Variants in TRIM25 observed in about 807,000 individuals in gnomAD.
TRIM25 encodes tripartite motif containing 25.
Under a neutral mutation model 65.2 loss-of-function variants are expected in TRIM25, and 45 were observed. That is an observed-to-expected ratio of 0.69 (90% CI 0.54 to 0.89). TRIM25 has a LOEUF of 0.89. Ranked by LOEUF, TRIM25 falls within the 40% of genes least tolerant of loss-of-function variation. TRIM25 has a pLI of 0.00. For synonymous variants in TRIM25, 321 were observed against 340.4 expected (o/e 0.94, Z 0.63); for missense variants, 714 against 803.7 (o/e 0.89, Z 1.35).
At chr17:56,902,158 T>C (rs1430323130) in intron 3 of TRIM25, among the ~76,000 whole-genome samples, 1 of 152,192 alleles carries the variant, frequency 6.6e-6, no homozygotes, top group Non-Finnish European at 1.5e-5. Flanking sequence ...CAGACAGGAA[T>C]GAACACTTGG....
Position 56,913,444 on chromosome 17 carries a change from T to A in TRIM25, c.545A>T (p.Glu182Val). ...GGACGCGGGAGAGCAGGTCTTATGC[T>A]CCACCAGGCAGATGTGGCAGATGCA... ...SECICHICLVEHKTCSPASLS... is the reference protein window; with the variant it reads ...SECICHICLVVHKTCSPASLS... The change falls in exon 1 of 9, where the codon GAG becomes GTG. Residue 182 changes from glutamate to valine, a missense_variant. Transcript: ENST00000316881. This position sits in a 1 kb window ranked among gnomAD's most constrained non-coding sequence, Gnocchi z 6.1. 1.2e-6 allele frequency: 2 copies of A among 1,606,358 alleles called. No homozygotes were observed. Among genetic ancestry groups the A allele is most frequent in the Non-Finnish European group, 8.5e-7 (1 of 1,175,040 alleles).
intron 1 of TRIM25, among the ~76,000 whole-genome samples, chr17:56,909,666 C>T (rs1909589549): frequency 8.6e-6 from 1 of 116,628 alleles, no homozygotes; most frequent in South Asian, 2.8e-4. Flanking sequence ...GCCTGGGTGA[C>T]AAAGTGAGAC....
Position 56,913,435 on chromosome 17 carries a change from G to A in TRIM25, c.554C>T (p.Thr185Ile). The part of the protein sequence containing the change: ...ICHICLVEHK[T>I]CSPASLSQAS... ...CTGGCTCAGGGACGCGGGAGAGCAGGTCTTATGCTCCACCAGGCAGATGTG... is the reference window on the plus strand; with the variant it reads ...CTGGCTCAGGGACGCGGGAGAGCAGATCTTATGCTCCACCAGGCAGATGTG... Residue 185 changes from threonine to isoleucine, a missense_variant, in exon 1 of 9, where the codon ACC becomes ATC. By Grantham distance (89) the Thr-to-Ile change is moderately conservative (BLOSUM62 -1). Transcript: ENST00000316881. The surrounding 1 kb of genome is among the most constrained non-coding windows in gnomAD (Gnocchi z 6.1). 1 of 1,603,248 alleles carries A rather than the reference G, an allele frequency of 6.2e-7. No homozygotes were observed. The highest frequency in any genetic ancestry group is 8.5e-7 in the Non-Finnish European group (1 of 1,173,230).
intron 1 of TRIM25, among the ~76,000 whole-genome samples, chr17:56,910,348 C>T (rs536442907): frequency 2.6e-5 from 4 of 152,272 alleles, no homozygotes; most frequent in African/African-American, 7.2e-5. Flanking sequence ...TAACTCAATC[C>T]GAAAAGCCCA....
Position 56,913,957 on chromosome 17 carries a change from A to G in TRIM25, c.32T>C (p.Leu11Pro). The change falls in exon 1 of 9, where the codon CTG becomes CCG. Residue 11 changes from leucine to proline, a missense_variant. Leu to Pro is a moderately conservative substitution (Grantham distance 98). This residue lies in a region of TRIM25 where 291 missense variants were observed against 281.8 expected (regional missense o/e 1.03). Coordinates refer to ENST00000316881, the MANE Select transcript of TRIM25 (RefSeq NM_005082.5). The surrounding 1 kb of genome is among the most constrained non-coding windows in gnomAD (Gnocchi z 6.1). MAELCPLAEE[L>P]SCSICLEPFK... ...GGGCTCCAGGCAGATGGAGCACGAC[A>G]GCTCCTCGGCCAGGGGGCACAGCTC... The G allele has an allele frequency of 6.3e-7, 1 of 1,580,954 alleles. No homozygotes were observed. The highest frequency in any genetic ancestry group is 1.1e-5 in the South Asian group (1 of 87,222).
Position 56,904,352 on chromosome 17 carries a change from A to C in TRIM25, c.830T>G (p.Ile277Ser), listed in dbSNP as rs1178870745. Reference protein sequence around the residue: ...EKRVNSKFDTIYQILLKKKSE... With the variant: ...EKRVNSKFDTSYQILLKKKSE... ...CTTCTTCTTGAGGAGAATCTGATAA[A>C]TGGTGTCAAACTTGCTGTTGACCCT... Residue 277 changes from isoleucine (I) to serine (S), a missense_variant, in exon 3 of 9, where the codon ATT becomes AGT. Around this residue, in one of 3 missense-constraint regions of TRIM25, gnomAD observed 413 missense variants for 498.2 expected, o/e 0.83. Coordinates refer to ENST00000316881, the MANE Select transcript of TRIM25 (RefSeq NM_005082.5). The C allele has an allele frequency of 2.5e-6, 4 of 1,613,904 alleles. No individual in the cohort carries two copies. The highest frequency in any genetic ancestry group is 3.4e-6 in the Non-Finnish European group (4 of 1,180,002).
At position 56,901,531 on chromosome 17, in the gene TRIM25, G is replaced by T. The variant is rs755954951; in HGVS notation, c.975C>A (p.Pro325=). ...TCAGCTTGTGGTTCAGTTCCACCTC[G>T]GGGATGTAGACTGGCTTTGTTGAGA... The part of the protein sequence containing the change: ...RGISTKPVYI[P]EVELNHKLIK... Residue 325 remains proline, a synonymous_variant, in exon 4 of 9, where the codon CCC becomes CCA. Transcript: ENST00000316881. 1 of 1,614,122 alleles carries T rather than the reference G, an allele frequency of 6.2e-7. No individual in the cohort carries two copies. The highest frequency in any genetic ancestry group is 2.2e-5 in the East Asian group (1 of 44,870).
chr17:56,898,530 A>G (rs1909345378), intron 5 of TRIM25, among the ~76,000 whole-genome samples: 1 of 152,224 alleles, frequency 6.6e-6, no homozygotes, highest in Non-Finnish European at 1.5e-5. Flanking sequence ...CTAGGAGGGC[A>G]AAAATGGATC....
intron 5 of TRIM25, chr17:56,898,895 G>A: frequency 1.8e-6 from 1 of 555,638 alleles, no homozygotes. Flanking sequence ...GCCAGCCTCA[G>A]GCATCTTGCT....
intron 3 of TRIM25, among the ~76,000 whole-genome samples, chr17:56,902,984 C>T (rs917690247): frequency 2.6e-5 from 4 of 152,322 alleles, no homozygotes; most frequent in South Asian, 4.1e-4. Context: ...CCCAGCTTCA[C>T]CTTCTGCCAT....
intron 1 of TRIM25, among the ~76,000 whole-genome samples, chr17:56,910,722 C>T (rs886781020): frequency 2.0e-5 from 3 of 152,178 alleles, no homozygotes; most frequent in Admixed American, 2.0e-4. Flanking sequence ...TTTTTGAAAT[C>T]CTGAGGATCC....
rs923340584 is a variant in TRIM25, at chr17:56,896,915, G to C, written c.1154-963C>G. On this transcript the variant is annotated intron_variant, in intron 5 of 8. Coordinates refer to ENST00000316881, the MANE Select transcript of TRIM25 (RefSeq NM_005082.5). ...AGGCCAGGAGTTCAAGATCAGCCTG[G>C]ACAACATATCAATATCCTGTCTCTA... Among the ~76,000 whole-genome samples, 4 of 150,876 alleles carry C rather than the reference G, an allele frequency of 2.7e-5. 1 individual carries two copies. The highest frequency in any genetic ancestry group is 1.3e-4 in the Admixed American group (2 of 15,100).
chr17:56,901,631 G>T (rs1350962055), intron 3 of TRIM25, 53 bp from the exon 4 acceptor site: 3 of 1,605,962 alleles, frequency 1.9e-6, no homozygotes, highest in Non-Finnish European at 2.6e-6. Context: ...CGGGGACCTG[G>T]GCTCAGTCCT....
At chr17:56,901,345 A>G in intron 4 of TRIM25, 74 bp downstream of exon 4, 1 of 1,505,414 alleles carries the variant, frequency 6.6e-7, no homozygotes, top group Non-Finnish European at 9.0e-7. Context: ...CCAATCTCCC[A>G]TCCCAAAACA....
At position 56,913,789 on chromosome 17, in the gene TRIM25, G is replaced by T. The variant is rs1909680302; in HGVS notation, c.200C>A (p.Thr67Lys). The T allele has an allele frequency of 3.2e-6, 5 of 1,559,408 alleles. No individual in the cohort carries two copies. The highest frequency in any genetic ancestry group is 4.3e-6 in the Non-Finnish European group (5 of 1,153,318). ...CTGCTCCACCACGTTGCACAGCACC[G>T]TGTTCTTGTGCAGCTGCGGTCGCGC... is the stretch of plus-strand genomic sequence containing the variant. Reference protein sequence around the residue: ...YQARPQLHKNTVLCNVVEQFL... With the variant: ...YQARPQLHKNKVLCNVVEQFL... The change falls in exon 1 of 9, where the codon ACG becomes AAG. Residue 67 changes from threonine to lysine, a missense_variant. By Grantham distance (78) the Thr-to-Lys change is moderately conservative. Around this residue, in one of 3 missense-constraint regions of TRIM25, gnomAD observed 291 missense variants for 281.8 expected, o/e 1.03. Transcript: ENST00000316881. This position sits in a 1 kb window ranked among gnomAD's most constrained non-coding sequence, Gnocchi z 6.1.
At chr17:56,902,796 AG>A (rs1456457321) in intron 3 of TRIM25, among the ~76,000 whole-genome samples, 3 of 152,186 alleles carry the variant, frequency 2.0e-5, no homozygotes, top group Non-Finnish European at 1.5e-5. Flanking sequence ...TGTGATTCCC[AG>A]TGTTGGAGGT....
At chr17:56,893,536 G>T (rs779793437) in intron 8 of TRIM25, among the ~76,000 whole-genome samples, 1 of 152,244 alleles carries the variant, frequency 6.6e-6, no homozygotes. Context: ...CACCAAGCCT[G>T]CTGCAGCTGC....
chr17:56,901,951 T>C (rs1909420860), intron 3 of TRIM25, among the ~76,000 whole-genome samples: 1 of 152,094 alleles, frequency 6.6e-6, no homozygotes, highest in Admixed American at 6.6e-5. Flanking sequence ...ACCCCAATCC[T>C]AGGGGAACAG....
chr17:56,900,847 G>A (rs2144355543), intron 4 of TRIM25, among the ~76,000 whole-genome samples: 1 of 152,256 alleles, frequency 6.6e-6, no homozygotes, highest in South Asian at 2.1e-4. Context: ...AGCAGAATAG[G>A]TCCCAGGACA....
Sources: allele counts gnomAD v4.1 joint callset (sites outside exome capture counted in the v4.1 genomes callset), GRCh38; gene constraint gnomAD v4.1.1; regional missense constraint gnomAD v4.1.1; non-coding constraint Gnocchi (gnomAD v3.1); transcripts MANE v1.5; gene names NCBI Gene and HGNC (gene_info 2026-07-23, HGNC 2026-07-21).